ZNF407: variants seen among roughly 807,000 people sequenced by gnomAD.
ZNF407 encodes zinc finger protein 407.
A neutral mutation model predicts 131.2 loss-of-function variants in ZNF407; 17 were observed. The observed-to-expected ratio is 0.13, with a 90% CI of 0.09 to 0.19. The LOEUF is 0.19. Ranked by LOEUF, ZNF407 falls within the 10% of genes least tolerant of loss-of-function variation. The probability of loss-of-function intolerance (pLI) is 1.00; values close to 1 mark genes in which losing one functional copy is unlikely to be tolerated. For missense variants in ZNF407, 2,681 were observed against 2,830.6 expected, an observed-to-expected ratio of 0.95 and a Z score of 1.20; for synonymous variants, 1,156 against 1,062.0, an observed-to-expected ratio of 1.09 and a Z score of -1.72.
At chr18:74,893,578 T>G (rs1971415715) in intron 7 of ZNF407, among the ~76,000 whole-genome samples, 1 of 152,176 alleles carries the variant, frequency 6.6e-6, no homozygotes, top group South Asian at 2.1e-4. Flanking sequence ...AAAAAAAGAT[T>G]TAAAAATGAG....
At chr18:75,028,053 G>A (rs1223556766) in intron 8 of ZNF407, among the ~76,000 whole-genome samples, 2 of 152,164 alleles carry the variant, frequency 1.3e-5, no homozygotes, top group East Asian at 3.9e-4. Context: ...TGCAGTCCTG[G>A]AAGATTCCAA....
At chr18:74,819,761 C>T (rs1285016909) in intron 4 of ZNF407, among the ~76,000 whole-genome samples, 1 of 152,160 alleles carries the variant, frequency 6.6e-6, no homozygotes, top group Non-Finnish European at 1.5e-5. Context: ...GCAGGTTTTG[C>T]CTCTGAATCT....
intron 1 of ZNF407, among the ~76,000 whole-genome samples, chr18:74,627,032 A>G (rs1027564865): frequency 1.3e-5 from 2 of 152,082 alleles, no homozygotes; most frequent in Admixed American, 1.3e-4. Context: ...TCCTTGTGCT[A>G]TGGCCTTCGT....
intron 4 of ZNF407, among the ~76,000 whole-genome samples, chr18:74,814,426 C>T (rs999097615): frequency 6.6e-6 from 1 of 152,170 alleles, no homozygotes; most frequent in Non-Finnish European, 1.5e-5. Flanking sequence ...CTCCCAGCCA[C>T]TACTCTTTAT....
At chr18:74,760,675 T>G (rs1015791262) in intron 3 of ZNF407, among the ~76,000 whole-genome samples, 1 of 152,164 alleles carries the variant, frequency 6.6e-6, no homozygotes, top group Non-Finnish European at 1.5e-5. Context: ...GTTTCAGGGA[T>G]CTTCCAGGTA....
intron 3 of ZNF407, among the ~76,000 whole-genome samples, chr18:74,756,827 C>G (rs943432968): frequency 5.3e-5 from 8 of 152,074 alleles, no homozygotes; most frequent in African/African-American, 1.9e-4. Context: ...TTGTGCTTCA[C>G]TTGTTTTCTT....
intron 4 of ZNF407, among the ~76,000 whole-genome samples, chr18:74,868,858 A>C (rs1165421513): frequency 6.6e-6 from 1 of 152,214 alleles, no homozygotes; most frequent in Non-Finnish European, 1.5e-5. Context: ...TCATTATTTC[A>C]GTGACATTAG....
intron 3 of ZNF407, among the ~76,000 whole-genome samples, chr18:74,763,988 C>G (rs1441908543): frequency 6.6e-6 from 1 of 151,974 alleles, no homozygotes; most frequent in East Asian, 1.9e-4. Context: ...GCTGGGATTA[C>G]AGGCGTGAGC....
intron 1 of ZNF407, among the ~76,000 whole-genome samples, chr18:74,607,912 C>T (rs980718631): frequency 1.3e-5 from 2 of 152,122 alleles, no homozygotes; most frequent in Non-Finnish European, 2.9e-5. Context: ...ATCACAGGCT[C>T]TTCCTGAACA....
At chr18:75,007,534 T>A (rs543312120) in intron 8 of ZNF407, among the ~76,000 whole-genome samples, 1 of 152,328 alleles carries the variant, frequency 6.6e-6, no homozygotes, top group South Asian at 2.1e-4. Flanking sequence ...TTCCTAATAT[T>A]TGAAAATGAA....
At chr18:75,005,205 G>A (rs1024936894) in intron 8 of ZNF407, among the ~76,000 whole-genome samples, 1 of 152,134 alleles carries the variant, frequency 6.6e-6, no homozygotes, top group Non-Finnish European at 1.5e-5. Context: ...TAGATGCACA[G>A]CTTACCAGAG....
chr18:74,684,252 C>A (rs953630029), intron 3 of ZNF407, among the ~76,000 whole-genome samples: 3 of 151,882 alleles, frequency 2.0e-5, no homozygotes, highest in African/African-American at 7.3e-5. Context: ...AACAGATTAT[C>A]CCCCTACCCC....
At chr18:74,984,760 G>A (rs991168045) in intron 8 of ZNF407, among the ~76,000 whole-genome samples, 2 of 152,196 alleles carry the variant, frequency 1.3e-5, no homozygotes, top group Admixed American at 6.5e-5. Context: ...AAGCAAAGAC[G>A]ATCCACTCTG....
At chr18:75,035,003 A>G (rs1420605262) in intron 8 of ZNF407, among the ~76,000 whole-genome samples, 4 of 152,214 alleles carry the variant, frequency 2.6e-5, no homozygotes, top group African/African-American at 9.7e-5. Context: ...AGTACATAAT[A>G]TTCACTCATG....
At chr18:74,863,804 G>A (rs1156863315) in intron 4 of ZNF407, among the ~76,000 whole-genome samples, 4 of 152,114 alleles carry the variant, frequency 2.6e-5, no homozygotes, top group East Asian at 3.9e-4. Context: ...CCTAATTGGG[G>A]TGTTGGCTAC....
chr18:74,867,565 C>T (rs1486510715), intron 4 of ZNF407, among the ~76,000 whole-genome samples: 1 of 152,150 alleles, frequency 6.6e-6, no homozygotes, highest in Non-Finnish European at 1.5e-5. Context: ...TTTTTCCTCA[C>T]CAGCATGAGT....
At chr18:74,965,154 AC>A (rs1457327172) in intron 8 of ZNF407, among the ~76,000 whole-genome samples, 23 of 152,222 alleles carry the variant, frequency 1.5e-4, no homozygotes, top group Non-Finnish European at 2.6e-4. Flanking sequence ...CCTTTGTGTT[AC>A]TAACAATCCA....
intron 8 of ZNF407, among the ~76,000 whole-genome samples, chr18:74,999,098 A>G (rs186686914): frequency 0.012 from 526 of 42,912 alleles, 2 homozygotes; most frequent in Non-Finnish European, 0.019. Context: ...TATCGCAAGA[A>G]CAAAAAACCA....
chr18:75,062,375 C>A (rs8095570), intron 8 of ZNF407: 23,707 of 152,114 alleles, frequency 0.16, 2,191 homozygotes, highest in African/African-American at 0.26. Flanking sequence ...AGGCACTGTC[C>A]GGAAGATGGG....
Sources: gnomAD v4.1 joint callset for allele counts (sites outside exome capture counted in the v4.1 genomes callset) on GRCh38, gnomAD v4.1.1 for gene constraint, MANE v1.5 for transcripts, NCBI Gene and HGNC (gene_info 2026-07-23, HGNC 2026-07-21) for gene names.